The following ZNF215 variants were observed in gnomAD, a reference collection of about 807,000 sequenced individuals.
The protein encoded by ZNF215 is BWSCR2-associated zinc finger protein 2.
A neutral mutation model predicts 27.2 loss-of-function variants in ZNF215; 24 were observed. The observed-to-expected ratio is 0.88, with a 90% CI of 0.64 to 1.24. The LOEUF is 1.24. ZNF215 is among the 50% of genes most tolerant of loss of function. The pLI, the probability that ZNF215 is intolerant of heterozygous loss-of-function variation, is 0.00. For synonymous variants in ZNF215, 210 were observed against 204.0 expected, an observed-to-expected ratio of 1.03 and a Z score of -0.25; for missense variants, 675 against 605.7, an observed-to-expected ratio of 1.11 and a Z score of -1.20.
chr11:6,955,634 A>G (rs1350211644), intron 6 of ZNF215, 56 bp from the exon 7 acceptor site: 1 of 1,516,996 alleles, frequency 6.6e-7, no homozygotes, highest in African/African-American at 1.4e-5. Flanking sequence ...TTCAGCCTCC[A>G]TTTCCTATTG....
chr11:6,938,374 CGTT>C (rs940419422), intron 3 of ZNF215, among the ~76,000 whole-genome samples: 1 of 151,952 alleles, frequency 6.6e-6, no homozygotes, highest in Non-Finnish European at 1.5e-5. Context: ...AATTGTATAT[CGTT>C]GTTGGGAATA....
chr11:6,948,062 G>T (rs1021081931), intron 6 of ZNF215, among the ~76,000 whole-genome samples: 2 of 152,160 alleles, frequency 1.3e-5, no homozygotes, highest in Non-Finnish European at 2.9e-5. Flanking sequence ...GCCACATTCT[G>T]TTGGCTTAGC....
chr11:6,971,764 G>T (rs1210104192), intron 5 of ZNF215, among the ~76,000 whole-genome samples: 1 of 151,842 alleles, frequency 6.6e-6, no homozygotes, highest in Non-Finnish European at 1.5e-5. Flanking sequence ...TTCAGCCTTA[G>T]TTAAAATTTA....
downstream of ZNF215, among the ~76,000 whole-genome samples, chr11:6,960,879 G>A (rs1850502757): frequency 6.6e-6 from 1 of 152,068 alleles, no homozygotes; most frequent in South Asian, 2.1e-4. Flanking sequence ...GTACTAAACT[G>A]ATTCCAATAT....
chr11:6,941,549 T>C, intron 3 of ZNF215, 22 bp from the exon 4 acceptor site: 2 of 1,610,906 alleles, frequency 1.2e-6, no homozygotes, highest in Non-Finnish European at 1.7e-6. Flanking sequence ...GTCTCCCTAA[T>C]ATTTTCCTTC....
downstream of ZNF215, among the ~76,000 whole-genome samples, chr11:6,961,062 G>A (rs1018562511): frequency 3.9e-5 from 6 of 151,958 alleles, no homozygotes; most frequent in African/African-American, 1.5e-4. Context: ...TACTCTTCTG[G>A]TGATTTCATT....
chr11:6,989,758 A>G (rs1851097810), downstream of ZNF215, among the ~76,000 whole-genome samples: 1 of 152,166 alleles, frequency 6.6e-6, no homozygotes, highest in Non-Finnish European at 1.5e-5. Flanking sequence ...TTGGCTCAAT[A>G]TTGCAACCAC....
Position 6,932,151 on chromosome 11 carries a change from AC to A in ZNF215, c.-120del. 1 of 1,256,466 alleles carries A rather than the reference AC, an allele frequency of 8.0e-7. No individual in the cohort carries two copies. The highest frequency in any genetic ancestry group is 1.1e-6 in the Non-Finnish European group (1 of 919,528). 77.8% of individuals were successfully genotyped at this position (1,256,466 alleles called of 1,614,324 possible). ...TAAAGTTTCTGGAACTTTCCTCCTT[AC>A]CGTGAAATAACTTGGCTTAAATCAC... On this transcript the variant is annotated 5_prime_UTR_variant, in exon 3 of 7. Coordinates refer to ENST00000278319, the MANE Select transcript of ZNF215 (RefSeq NM_013250.4).
intron 5 of ZNF215, among the ~76,000 whole-genome samples, chr11:6,983,279 C>G (rs1219320523): frequency 1.3e-5 from 2 of 151,944 alleles, no homozygotes; most frequent in Non-Finnish European, 2.9e-5. Context: ...GCTTACCAAC[C>G]AAAAAGAGTC....
intron 6 of ZNF215, among the ~76,000 whole-genome samples, chr11:6,947,267 G>A (rs1226567511): frequency 6.6e-6 from 1 of 152,148 alleles, no homozygotes; most frequent in Non-Finnish European, 1.5e-5. Context: ...AATGGATTGT[G>A]GTGGATTAAA....
chr11:6,945,766 A>G (rs2133236317), intron 6 of ZNF215, among the ~76,000 whole-genome samples: 1 of 152,248 alleles, frequency 6.6e-6, no homozygotes, highest in Middle Eastern at 3.4e-3. Context: ...TCAATATTTA[A>G]TCTTGTTTTG....
chr11:6,953,833 T>G (rs1850197116), intron 6 of ZNF215, among the ~76,000 whole-genome samples: 1 of 152,162 alleles, frequency 6.6e-6, no homozygotes. Context: ...GTTTCCAGTT[T>G]TTCTGCTCTG....
chr11:6,963,221 G>C (rs1850552916), intron 5 of ZNF215, among the ~76,000 whole-genome samples: 1 of 151,872 alleles, frequency 6.6e-6, no homozygotes, highest in African/African-American at 2.4e-5. Context: ...TAGTCAAGCT[G>C]TTCCCCCAAC....
intron 5 of ZNF215, among the ~76,000 whole-genome samples, chr11:6,975,121 A>C (rs554173978): frequency 7.9e-5 from 12 of 151,954 alleles, no homozygotes; most frequent in Admixed American, 3.3e-4. Flanking sequence ...GAATTTTGTC[A>C]AAGGCCTTTT....
chr11:6,935,429 T>C (rs1268267819), intron 3 of ZNF215, among the ~76,000 whole-genome samples: 1 of 152,180 alleles, frequency 6.6e-6, no homozygotes, highest in Admixed American at 6.5e-5. Flanking sequence ...TTTAAGGAAA[T>C]CTCTGTGGTA....
At chr11:6,983,051 T>C (rs10839672) in intron 5 of ZNF215, among the ~76,000 whole-genome samples, 49,639 of 147,246 alleles carry the variant, frequency 0.34, 8,999 homozygotes, top group African/African-American at 0.48. Flanking sequence ...ATCAAATAGA[T>C]GCAATAAAAA....
intron 4 of ZNF215, 140 bp downstream of exon 4, chr11:6,941,793 G>A: frequency 2.5e-6 from 2 of 798,918 alleles, no homozygotes; most frequent in South Asian, 1.7e-5. Context: ...CAGGACACTG[G>A]ACCTATTTTA....
rs781282880 is a variant in ZNF215, at chr11:6,932,291, T to G, written c.19T>G (p.Leu7Val). 5.0e-6 allele frequency: 8 copies of G among 1,613,846 alleles called. No individual in the cohort carries two copies. In the South Asian group the frequency reaches 8.8e-5, roughly 18 times the overall value. The change falls in exon 3 of 7, where the codon TTG becomes GTG. Residue 7 changes from leucine (L) to valine (V), a missense_variant. Transcript: ENST00000278319. MQPLSK[L>V]MAISKPRNLS... is the part of the protein sequence containing the mutation. ...TAGGAAGATGCAGCCTCTGAGCAAG[T>G]TGATGGCTATCTCAAAACCTCGAAA...
chr11:6,993,773 CCTA>C (rs1417868311), downstream of ZNF215, among the ~76,000 whole-genome samples: 1 of 152,102 alleles, frequency 6.6e-6, no homozygotes, highest in African/African-American at 2.4e-5. Context: ...TGTAAATTCA[CCTA>C]CTCACTACAA....
Sources: gnomAD v4.1 joint callset for allele counts (sites outside exome capture counted in the v4.1 genomes callset) on GRCh38, gnomAD v4.1.1 for gene constraint, MANE v1.5 for transcripts, NCBI Gene and HGNC (gene_info 2026-07-23, HGNC 2026-07-21) for gene names.